The following NR3C2 variants were observed in gnomAD, a reference collection of about 807,000 sequenced individuals.
NR3C2 encodes the protein mineralocorticoid receptor.
In NR3C2, 15 loss-of-function variants were observed where a neutral mutation model predicts 86.4. The ratio of observed to expected loss-of-function variants is 0.17; its 90% confidence interval spans 0.12 to 0.27. The LOEUF is 0.27. Among genes scored for constraint, NR3C2 ranks in the 10% least tolerant of loss-of-function variants. The pLI, the probability that NR3C2 is intolerant of heterozygous loss-of-function variation, is 1.00. For synonymous variants in NR3C2, 458 were observed against 450.5 expected (o/e 1.02, Z -0.21); for missense variants, 960 against 1,195.6 (o/e 0.80, Z 2.91).
chr4:148,250,376 G>A (rs1739518943), intron 3 of NR3C2, among the ~76,000 whole-genome samples: 1 of 152,044 alleles, frequency 6.6e-6, no homozygotes, highest in African/African-American at 2.4e-5. Context: ...GCTTTATATG[G>A]TGTCATAAGC....
intron 2 of NR3C2, among the ~76,000 whole-genome samples, chr4:148,308,687 T>C (rs1326116878): frequency 6.6e-6 from 1 of 152,078 alleles, no homozygotes; most frequent in East Asian, 1.9e-4. Flanking sequence ...GGGATGGCTA[T>C]AGTTAACAAC....
At chr4:148,184,842 G>C (rs1735818596) in intron 4 of NR3C2, among the ~76,000 whole-genome samples, 3 of 152,104 alleles carry the variant, frequency 2.0e-5, no homozygotes, top group African/African-American at 7.2e-5. Flanking sequence ...ATCAGACAAG[G>C]GGACATGGTG....
At chr4:148,396,886 C>A (rs1471000413) in intron 2 of NR3C2, among the ~76,000 whole-genome samples, 1 of 152,132 alleles carries the variant, frequency 6.6e-6, no homozygotes. Context: ...ATCCCTACTT[C>A]TGCATATAAA....
rs1553995067 is a variant in NR3C2, at chr4:148,194,852, G to A, written c.1908C>T (p.Asn636=). The A allele has an allele frequency of 6.2e-7, 1 of 1,609,372 alleles. No individual in the cohort carries two copies. Among genetic ancestry groups the A allele is most frequent in the Non-Finnish European group, 8.5e-7 (1 of 1,177,756 alleles). ...AATCATTTCTTCCAGCACATAAATA[G>A]TTGTGTTGCCCTGATTAAAATAATA... ...FFKRAVEGQH[N]YLCAGRNDCI... The change falls in exon 4 of 9, where the codon AAC becomes AAT. Residue 636 remains asparagine, a synonymous_variant. Transcript: ENST00000358102.
chr4:148,134,741 C>T (rs964203780), intron 6 of NR3C2, among the ~76,000 whole-genome samples: 8 of 149,774 alleles, frequency 5.3e-5, no homozygotes, highest in South Asian at 2.1e-4. Context: ...CTGTGCCTCC[C>T]GGGTTCAAGT....
At chr4:148,149,493 T>C (rs1010792890) in intron 6 of NR3C2, among the ~76,000 whole-genome samples, 3 of 152,182 alleles carry the variant, frequency 2.0e-5, no homozygotes, top group African/African-American at 4.8e-5. Flanking sequence ...TGTACTCAGA[T>C]ATTTACAAAC....
chr4:148,409,815 A>T (rs1748606038), intron 2 of NR3C2, among the ~76,000 whole-genome samples: 1 of 152,150 alleles, frequency 6.6e-6, no homozygotes, highest in Non-Finnish European at 1.5e-5. Flanking sequence ...TTACTAACTC[A>T]GTCCTAAATT....
intron 2 of NR3C2, among the ~76,000 whole-genome samples, chr4:148,280,262 A>G (rs10519952): frequency 0.19 from 29,436 of 152,166 alleles, 2,966 homozygotes; most frequent in Admixed American, 0.27. Context: ...GCTAACTACT[A>G]TCAGACTTAA....
chr4:148,165,706 A>T (rs1244781870), intron 4 of NR3C2, among the ~76,000 whole-genome samples: 2 of 152,190 alleles, frequency 1.3e-5, no homozygotes, highest in African/African-American at 2.4e-5. Flanking sequence ...TTAGTAAGAA[A>T]AAGAAATGAT....
intron 4 of NR3C2, among the ~76,000 whole-genome samples, chr4:148,167,161 T>C (rs1244647216): frequency 6.6e-6 from 1 of 152,210 alleles, no homozygotes; most frequent in Non-Finnish European, 1.5e-5. Context: ...ATGATTTCAC[T>C]GATGGCTTTG....
At chr4:148,405,695 A>T (rs1305009571) in intron 2 of NR3C2, among the ~76,000 whole-genome samples, 1 of 152,230 alleles carries the variant, frequency 6.6e-6, no homozygotes, top group Non-Finnish European at 1.5e-5. Context: ...TCTCAGGGGA[A>T]GTTAGAGAAA....
In NR3C2 at chr4:148,435,671, T is replaced by C. The variant is rs760373134; in HGVS notation, c.1190A>G (p.Tyr397Cys). ...GVTGQLNIVQ[Y>C]IKPEPDGAFS... ...AGCTCCATCTGGTTCTGGTTTTATG[T>C]ACTGGACAATATTAAGCTGGCCAGT... Residue 397 changes from tyrosine to cysteine, a missense_variant, in exon 2 of 9, where the codon TAC (tyrosine) becomes TGC (cysteine). Tyr to Cys is a radical substitution (Grantham distance 194). Around this residue, in one of 4 missense-constraint regions of NR3C2, gnomAD observed 680 missense variants for 719.0 expected, o/e 0.95. Coordinates refer to ENST00000358102, the MANE Select transcript of NR3C2 (RefSeq NM_000901.5). 1 of 1,614,122 alleles carries C rather than the reference T, an allele frequency of 6.2e-7. No individual in the cohort carries two copies. The highest frequency in any genetic ancestry group is 8.5e-7 in the Non-Finnish European group (1 of 1,180,056).
intron 2 of NR3C2, among the ~76,000 whole-genome samples, chr4:148,280,671 TTA>T (rs1242286934): frequency 6.6e-6 from 1 of 151,958 alleles, no homozygotes; most frequent in Non-Finnish European, 1.5e-5. Context: ...ACTAATTTTT[TTA>T]TTTTTATGTT....
At chr4:148,161,414 G>GT (rs1734654494) in intron 4 of NR3C2, among the ~76,000 whole-genome samples, 1 of 151,494 alleles carries the variant, frequency 6.6e-6, no homozygotes, top group Admixed American at 6.6e-5. Flanking sequence ...CAGTGTCACC[G>GT]TATCGGCTCA....
chr4:148,088,220 T>A (rs1410968853), intron 8 of NR3C2, among the ~76,000 whole-genome samples: 2 of 152,208 alleles, frequency 1.3e-5, no homozygotes, highest in African/African-American at 4.8e-5. Flanking sequence ...AAACAACAGA[T>A]GCTGGAAAGG....
chr4:148,296,676 C>T (rs1302576572), intron 2 of NR3C2, among the ~76,000 whole-genome samples: 1 of 151,756 alleles, frequency 6.6e-6, no homozygotes, highest in African/African-American at 2.4e-5. Context: ...ATCAGCTGCC[C>T]ATTTCATTTT....
chr4:148,367,545 A>C (rs780981930), intron 2 of NR3C2, among the ~76,000 whole-genome samples: 3 of 152,196 alleles, frequency 2.0e-5, no homozygotes. Context: ...ATAAACATAG[A>C]TATTAGCCTG....
chr4:148,154,917 A>G lies in NR3C2; in HGVS notation c.2015-16T>C. ...GACTTTCGTGCTATAAGAAACCATA[A>G]ATGATAAGGCCAAATTAAAATTATG... On this transcript the variant is annotated splice_polypyrimidine_tract_variant and intron_variant, in intron 4 of 8. Coordinates refer to ENST00000358102, the MANE Select transcript of NR3C2 (RefSeq NM_000901.5). 1.3e-6 allele frequency: 2 copies of G among 1,538,276 alleles called. No individual in the cohort carries two copies. Among genetic ancestry groups the G allele is most frequent in the Non-Finnish European group, 1.8e-6 (2 of 1,137,102 alleles).
At chr4:148,119,208 A>G (rs1732400986) in intron 7 of NR3C2, among the ~76,000 whole-genome samples, 1 of 152,198 alleles carries the variant, frequency 6.6e-6, no homozygotes, top group African/African-American at 2.4e-5. Context: ...ATGCACCTTT[A>G]AAAAATAAAT....
Sources: allele counts gnomAD v4.1 joint callset (sites outside exome capture counted in the v4.1 genomes callset), GRCh38; gene constraint gnomAD v4.1.1; regional missense constraint gnomAD v4.1.1; transcripts MANE v1.5; gene names NCBI Gene and HGNC (gene_info 2026-07-23, HGNC 2026-07-21).